The following ZNF385D variants were observed in gnomAD, a reference collection of about 807,000 sequenced individuals.
The protein encoded by ZNF385D is zinc finger protein 385D, also known as zinc finger protein 659.
ZNF385D carries 15 observed loss-of-function variants against 35.8 expected under a neutral mutation model. That is an observed-to-expected ratio of 0.42 (90% confidence interval 0.28 to 0.64). The LOEUF is 0.64. Among genes scored for constraint, ZNF385D ranks in the 30% least tolerant of loss-of-function variants. The pLI, the probability that ZNF385D is intolerant of heterozygous loss-of-function variation, is 0.23. For synonymous variants in ZNF385D, 212 were observed against 186.8 expected (o/e 1.13, Z -1.10); for missense variants, 474 against 494.6 (o/e 0.96, Z 0.39).
rs1700715845 is a variant in ZNF385D at position 21,421,177 on chromosome 3, GA to G, written c.*36del. ...TTGTTTGTTTTGTTTTTTGTTTTTT[GA>G]AAAATTATTGCAGTACAATTACTCC... On this transcript the variant is annotated 3_prime_UTR_variant, in exon 8 of 8. Transcript: ENST00000281523. The G allele has an allele frequency of 6.4e-7, 1 of 1,557,262 alleles. No homozygotes were observed.
intron 2 of ZNF385D, among the ~76,000 whole-genome samples, chr3:21,659,375 A>G (rs2066167634): frequency 1.3e-5 from 2 of 152,154 alleles, no homozygotes; most frequent in Non-Finnish European, 2.9e-5. Flanking sequence ...ATACGCATCT[A>G]TGTGTTTTCC....
chr3:22,305,729 T>C (rs1027344), intron 2 of ZNF385D, among the ~76,000 whole-genome samples: 151,559 of 152,290 alleles, frequency 1, 75,416 homozygotes, highest in Middle Eastern at 1. Flanking sequence ...CTAGGAAGTA[T>C]ATTTCTACCA....
chr3:21,565,312 C>T (rs977899546), intron 2 of ZNF385D, among the ~76,000 whole-genome samples: 8 of 152,036 alleles, frequency 5.3e-5, no homozygotes, highest in Non-Finnish European at 1.2e-4. Context: ...AGTTATCTCC[C>T]TCCATTTTAT....
At chr3:21,805,456 A>T (rs1047452223) in intron 3 of ZNF385D, among the ~76,000 whole-genome samples, 1 of 152,232 alleles carries the variant, frequency 6.6e-6, no homozygotes, top group Non-Finnish European at 1.5e-5. Context: ...AAACAAATGC[A>T]TAAGTGAATC....
intron 3 of ZNF385D, among the ~76,000 whole-genome samples, chr3:21,935,968 G>C (rs776809950): frequency 1.3e-5 from 2 of 152,122 alleles, no homozygotes; most frequent in African/African-American, 2.4e-5. Context: ...AAGTGCAACA[G>C]AATAGGGGAA....
intron 3 of ZNF385D, among the ~76,000 whole-genome samples, chr3:21,827,921 T>C (rs1316866109): frequency 6.6e-6 from 1 of 152,148 alleles, no homozygotes; most frequent in Non-Finnish European, 1.5e-5. Flanking sequence ...GCTTAACATA[T>C]TGTGAGCAAT....
At chr3:22,170,758 A>G (rs912521327) in intron 2 of ZNF385D, among the ~76,000 whole-genome samples, 2 of 152,192 alleles carry the variant, frequency 1.3e-5, no homozygotes, top group African/African-American at 4.8e-5. Flanking sequence ...GGTTATAATC[A>G]GAACATTTCA....
chr3:21,657,414 T>A (rs565277462), intron 2 of ZNF385D, among the ~76,000 whole-genome samples: 1 of 151,998 alleles, frequency 6.6e-6, no homozygotes, highest in Non-Finnish European at 1.5e-5. Context: ...ACATTTGACT[T>A]TGACAAACTT....
rs556858959 is a variant in ZNF385D, at chr3:21,413,620, G to C, written c.*7594C>G. ...GAGATTGATATTAGATAAAACCCTG[G>C]TTATATTTTTTAAGCCATAAGAATA... On this transcript the variant is annotated 3_prime_UTR_variant, in exon 8 of 8. Coordinates refer to ENST00000281523, the MANE Select transcript of ZNF385D (RefSeq NM_024697.3). The C allele has an allele frequency of 6.6e-6, 1 of 151,918 alleles. No homozygotes were observed. Among genetic ancestry groups the C allele is most frequent in the Admixed American group, 6.6e-5 (1 of 15,230 alleles). The allele number at this position is 151,918 out of a possible 1,614,324, so 9.4% of individuals were successfully genotyped here. A position where few individuals can be genotyped will look rare whatever the true frequency, so the allele number is the denominator to read the frequency against.
chr3:21,532,857 T>C (rs972214389), intron 3 of ZNF385D, among the ~76,000 whole-genome samples: 2 of 152,242 alleles, frequency 1.3e-5, no homozygotes, highest in East Asian at 1.9e-4. Flanking sequence ...CTTAAGGTAG[T>C]AAATCAAAGC....
chr3:21,694,092 G>A (rs1478912015), intron 1 of ZNF385D, among the ~76,000 whole-genome samples: 2 of 124,110 alleles, frequency 1.6e-5, no homozygotes, highest in Non-Finnish European at 3.2e-5. Context: ...CGCCCAGGCC[G>A]GAGTACAGTG....
intron 2 of ZNF385D, among the ~76,000 whole-genome samples, chr3:21,569,909 G>C (rs1206833097): frequency 6.8e-6 from 1 of 147,278 alleles, no homozygotes; most frequent in Admixed American, 6.8e-5. Flanking sequence ...GGACTGTTGT[G>C]GGGTGGGGGG....
At chr3:21,852,588 C>T (rs1696450379) in intron 3 of ZNF385D, among the ~76,000 whole-genome samples, 1 of 151,754 alleles carries the variant, frequency 6.6e-6, no homozygotes, top group Admixed American at 6.6e-5. Context: ...GTTGCTATAC[C>T]ACATAGCATG....
At chr3:22,036,666 T>G (rs940120818) in intron 3 of ZNF385D, among the ~76,000 whole-genome samples, 1 of 151,526 alleles carries the variant, frequency 6.6e-6, no homozygotes, top group Non-Finnish European at 1.5e-5. Flanking sequence ...CATAAAACCC[T>G]TCTTTTAGAA....
In ZNF385D at chr3:22,316,508, A is replaced by T. The variant is rs550039103; in HGVS notation, c.106+55942T>A. On this transcript the variant is annotated intron_variant, in intron 2 of 5. Coordinates refer to the ZNF385D transcript ENST00000494108. Reference sequence around the variant, plus strand: ...AAAAAAGGTAAATTTTTCCCCAAAAACTTTGATGGTAGAAGGAAAAAGTGT... The same window carrying T: ...AAAAAAGGTAAATTTTTCCCCAAAATCTTTGATGGTAGAAGGAAAAAGTGT... Among the ~76,000 whole-genome samples the T allele has an allele frequency of 5.9e-5, 9 of 152,288 alleles. No individual in the cohort carries two copies. The South Asian group carries it at 1.9e-3, about 32-fold the overall frequency.
chr3:21,750,323 G>A (rs1311751787), intron 1 of ZNF385D, among the ~76,000 whole-genome samples: 1 of 152,210 alleles, frequency 6.6e-6, no homozygotes, highest in Non-Finnish European at 1.5e-5. Context: ...ACATCTCCGA[G>A]ACCTCTAAAG....
At chr3:22,025,665 A>G (rs1396355577) in intron 3 of ZNF385D, among the ~76,000 whole-genome samples, 1 of 152,138 alleles carries the variant, frequency 6.6e-6, no homozygotes, top group Non-Finnish European at 1.5e-5. Flanking sequence ...GCCCACTGTG[A>G]GCGAGCTGGA....
At chr3:22,315,199 A>G (rs572487393) in intron 2 of ZNF385D, among the ~76,000 whole-genome samples, 6 of 152,346 alleles carry the variant, frequency 3.9e-5, no homozygotes, top group African/African-American at 1.4e-4. Flanking sequence ...GGAAGGCAGA[A>G]GCCACAGCAT....
At chr3:21,605,703 G>T (rs1039510711) in intron 2 of ZNF385D, among the ~76,000 whole-genome samples, 6 of 152,132 alleles carry the variant, frequency 3.9e-5, no homozygotes, top group Non-Finnish European at 7.4e-5. Context: ...GCAACCAACT[G>T]TAGGGTTAAC....
Sources: allele counts gnomAD v4.1 joint callset (sites outside exome capture counted in the v4.1 genomes callset), GRCh38; gene constraint gnomAD v4.1.1; transcripts MANE v1.5; gene names NCBI Gene and HGNC (gene_info 2026-07-23, HGNC 2026-07-21).